Variants in GTF2A1L observed in about 807,000 individuals in gnomAD.
GTF2A1L encodes general transcription factor IIA subunit 1 like.
GTF2A1L carries 48 observed loss-of-function variants against 49.7 expected under a neutral mutation model. The observed-to-expected ratio is 0.97, with a 90% CI of 0.77 to 1.23. GTF2A1L has a LOEUF of 1.23. GTF2A1L is among the 50% of genes most tolerant of loss of function. The probability of loss-of-function intolerance (pLI) is 0.00; values close to 1 mark genes in which losing one functional copy is unlikely to be tolerated. For missense variants in GTF2A1L, 736 were observed against 564.8 expected (o/e 1.30, Z -3.07); for synonymous variants, 246 against 193.5 (o/e 1.27, Z -2.25).
At chr2:48,652,190 G>A (rs1395015574) in intron 6 of GTF2A1L, among the ~76,000 whole-genome samples, 2 of 152,204 alleles carry the variant, frequency 1.3e-5, no homozygotes, top group Admixed American at 6.5e-5. Context: ...GTAAATTCAA[G>A]TAGAAGAGTC....
chr2:48,640,139 C>G (rs1389977317), intron 3 of GTF2A1L, among the ~76,000 whole-genome samples: 1 of 152,096 alleles, frequency 6.6e-6, no homozygotes, highest in African/African-American at 2.4e-5. Flanking sequence ...AACAGTATGG[C>G]AATTCCTCAA....
chr2:48,669,260 T>C (rs1679038895), intron 6 of GTF2A1L, among the ~76,000 whole-genome samples: 1 of 152,236 alleles, frequency 6.6e-6, no homozygotes, highest in Non-Finnish European at 1.5e-5. Flanking sequence ...AGGTGCCTCA[T>C]ATAAGTGGAA....
chr2:48,668,094 GT>G (rs1021325990), intron 6 of GTF2A1L, among the ~76,000 whole-genome samples: 4 of 152,016 alleles, frequency 2.6e-5, no homozygotes, highest in African/African-American at 9.7e-5. Context: ...TTTACTGTCT[GT>G]TTTTATGAAT....
chr2:48,645,139 CT>C, intron 5 of GTF2A1L, 22 bp downstream of exon 5: 1 of 1,574,900 alleles, frequency 6.3e-7, no homozygotes, highest in Non-Finnish European at 8.6e-7. Flanking sequence ...TTCTAAGAAT[CT>C]TTTTGTTTTC....
At chr2:48,619,896 C>CG (rs1486625557) in intron 1 of GTF2A1L, among the ~76,000 whole-genome samples, 2 of 152,164 alleles carry the variant, frequency 1.3e-5, no homozygotes, top group Non-Finnish European at 2.9e-5. Context: ...TTGGTCTCTT[C>CG]AGTATGCACA....
Position 48,669,853 on chromosome 2 carries a change from T to A in GTF2A1L, c.1110T>A (p.Asn370Lys). The change falls in exon 7 of 9, where the codon AAT (asparagine) becomes AAA (lysine). Residue 370 changes from asparagine to lysine, a missense_variant. Transcript: ENST00000403751. ...GAAGTACAAGAGATGCAGATGAGAA[T>A]GAATTTCTAGGGAATATTGACGGGG... The part of the protein sequence containing the change: ...EIGSTRDADE[N>K]EFLGNIDGGD... 1.2e-6 allele frequency: 2 copies of A among 1,614,030 alleles called. No individual in the cohort carries two copies. The highest frequency in any genetic ancestry group is 8.5e-7 in the Non-Finnish European group (1 of 1,180,002).
At chr2:48,638,837 C>T (rs576234493) in intron 3 of GTF2A1L, among the ~76,000 whole-genome samples, 6 of 152,068 alleles carry the variant, frequency 3.9e-5, no homozygotes, top group African/African-American at 9.6e-5. Flanking sequence ...TAGTCTCGGC[C>T]GAAAAGCTCC....
rs974589709 is a variant in GTF2A1L, at chr2:48,635,773, C to G, written c.248-6629C>G. Among the ~76,000 whole-genome samples, 4 of 152,054 alleles carry G rather than the reference C, an allele frequency of 2.6e-5. No homozygotes were observed. In the East Asian group the frequency reaches 7.7e-4, roughly 29 times the overall value. On this transcript the variant is annotated intron_variant, in intron 3 of 8. Transcript: ENST00000403751. ...CATGCAGCTGGGTTACCTAGAATGG[C>G]TGACTTTGTATGCAACCAGATTAAA...
At chr2:48,634,765 C>T (rs11685904) in intron 3 of GTF2A1L, among the ~76,000 whole-genome samples, 24,559 of 152,176 alleles carry the variant, frequency 0.16, 2,471 homozygotes, top group South Asian at 0.25. Context: ...GAGAAGTCTG[C>T]TTTTAGCCTA....
intron 6 of GTF2A1L, among the ~76,000 whole-genome samples, chr2:48,649,543 T>C (rs1382953762): frequency 6.6e-6 from 1 of 152,190 alleles, no homozygotes; most frequent in Non-Finnish European, 1.5e-5. Context: ...CTTAGAGAAG[T>C]TACTCATTTG....
At chr2:48,651,332 C>G (rs991836974) in intron 6 of GTF2A1L, among the ~76,000 whole-genome samples, 4 of 151,984 alleles carry the variant, frequency 2.6e-5, no homozygotes, top group African/African-American at 9.7e-5. Context: ...TTTCCTTTAA[C>G]ATTCAACAGG....
At chr2:48,631,582 A>T (rs560533791) in intron 3 of GTF2A1L, among the ~76,000 whole-genome samples, 16 of 151,952 alleles carry the variant, frequency 1.1e-4, no homozygotes, top group Admixed American at 5.9e-4. Flanking sequence ...GTTTGGTTTC[A>T]TTGATTCTTT....
At chr2:48,648,595 C>T (rs1266423315) in intron 6 of GTF2A1L, among the ~76,000 whole-genome samples, 1 of 152,088 alleles carries the variant, frequency 6.6e-6, no homozygotes. Flanking sequence ...AACTATATAA[C>T]ATTACTCCCT....
chr2:48,652,081 C>G (rs185683537), intron 6 of GTF2A1L, among the ~76,000 whole-genome samples: 1 of 152,216 alleles, frequency 6.6e-6, no homozygotes, highest in East Asian at 1.9e-4. Flanking sequence ...AGAATGATAA[C>G]TCTTTTGCTG....
chr2:48,655,804 T>C (rs1678137203), intron 6 of GTF2A1L, among the ~76,000 whole-genome samples: 1 of 152,098 alleles, frequency 6.6e-6, no homozygotes, highest in African/African-American at 2.4e-5. Flanking sequence ...CTCTAGAAAT[T>C]TTTCATCTTC....
chr2:48,669,576 A>G (rs1679053403), intron 6 of GTF2A1L, 146 bp from the exon 7 acceptor site: 3 of 985,748 alleles, frequency 3.0e-6, no homozygotes, highest in Non-Finnish European at 4.2e-6. Context: ...GGCTTATTCT[A>G]AAATTCAAAG....
chr2:48,636,222 A>G (rs1572712945), intron 3 of GTF2A1L, among the ~76,000 whole-genome samples: 2 of 152,318 alleles, frequency 1.3e-5, no homozygotes, highest in African/African-American at 4.8e-5. Flanking sequence ...AAAAAAGGCT[A>G]TATTAACTCC....
intron 6 of GTF2A1L, among the ~76,000 whole-genome samples, chr2:48,664,478 T>G (rs748901666): frequency 9.9e-5 from 15 of 152,158 alleles, no homozygotes; most frequent in Non-Finnish European, 1.8e-4. Flanking sequence ...TGCTAAGATT[T>G]CGTTGTGGAT....
intron 6 of GTF2A1L, among the ~76,000 whole-genome samples, chr2:48,667,115 A>ATTTTTTTTTTT (rs57507576): frequency 1.4e-5 from 2 of 142,884 alleles, no homozygotes; most frequent in Non-Finnish European, 1.5e-5. Context: ...CTCCCAGCTA[A>ATTTTTTTTTTT]TTTTTTTTTT....
Sources: allele counts gnomAD v4.1 joint callset (sites outside exome capture counted in the v4.1 genomes callset), GRCh38; gene constraint gnomAD v4.1.1; transcripts MANE v1.5; gene names NCBI Gene and HGNC (gene_info 2026-07-23, HGNC 2026-07-21).